Variants in POU6F2 observed in about 807,000 individuals in gnomAD.
POU6F2 encodes POU class 6 homeobox 2.
In POU6F2, 31 loss-of-function variants were observed where a neutral mutation model predicts 71.3. That is an observed-to-expected ratio of 0.43 (90% CI 0.33 to 0.59). POU6F2 has a LOEUF of 0.59. Among genes scored for constraint, POU6F2 ranks in the 20% least tolerant of loss-of-function variants. POU6F2 has a pLI of 0.04. For missense variants in POU6F2, 783 were observed against 856.8 expected (o/e 0.91, Z 1.07); for synonymous variants, 347 against 355.7 (o/e 0.98, Z 0.27).
intron 1 of POU6F2, among the ~76,000 whole-genome samples, chr7:39,063,768 G>A (rs1000998390): frequency 2.9e-5 from 4 of 140,242 alleles, no homozygotes; most frequent in South Asian, 5.0e-4. Context: ...TAAACATGAA[G>A]CAAGGAAAAA....
chr7:39,211,572 C>T (rs1046206751), intron 4 of POU6F2, among the ~76,000 whole-genome samples: 19 of 152,170 alleles, frequency 1.2e-4, no homozygotes, highest in African/African-American at 4.3e-4. Flanking sequence ...TTATCTTTCT[C>T]TCAGATCCTT....
chr7:39,054,321 A>G (rs1456461204), intron 1 of POU6F2, among the ~76,000 whole-genome samples: 2 of 152,044 alleles, frequency 1.3e-5, no homozygotes, highest in African/African-American at 4.8e-5. Flanking sequence ...TTTCTTATCA[A>G]CCCTGACCCT....
intron 5 of POU6F2, among the ~76,000 whole-genome samples, chr7:39,391,732 A>C (rs1787079931): frequency 6.6e-6 from 1 of 152,242 alleles, no homozygotes. Flanking sequence ...GTACACAGGC[A>C]AAACTGCTAT....
chr7:39,356,521 T>C (rs1423666523), intron 5 of POU6F2, among the ~76,000 whole-genome samples: 3 of 152,246 alleles, frequency 2.0e-5, no homozygotes, highest in Non-Finnish European at 4.4e-5. Flanking sequence ...TCATCTTTTT[T>C]ATGAACAATT....
At chr7:39,310,465 C>A (rs1035518932) in intron 4 of POU6F2, among the ~76,000 whole-genome samples, 9 of 152,188 alleles carry the variant, frequency 5.9e-5, no homozygotes, top group Non-Finnish European at 1.3e-4. Flanking sequence ...AAAAGACCCT[C>A]ATTTTCCCAA....
At chr7:39,275,925 G>C (rs1321299891) in intron 4 of POU6F2, among the ~76,000 whole-genome samples, 2 of 151,764 alleles carry the variant, frequency 1.3e-5, no homozygotes, top group Admixed American at 1.3e-4. Flanking sequence ...AGACTTAAAC[G>C]TTAGACCTAA....
At chr7:39,374,121 G>A (rs1183479689) in intron 5 of POU6F2, among the ~76,000 whole-genome samples, 3 of 152,068 alleles carry the variant, frequency 2.0e-5, no homozygotes, top group African/African-American at 4.8e-5. Context: ...GTGAAAAGTC[G>A]CATTAGATTT....
intron 4 of POU6F2, among the ~76,000 whole-genome samples, chr7:39,250,922 G>A (rs1266097351): frequency 1.3e-5 from 2 of 152,154 alleles, no homozygotes; most frequent in Non-Finnish European, 2.9e-5. Context: ...CTGCAAATGC[G>A]TTCATGTTTT....
intron 2 of POU6F2, among the ~76,000 whole-genome samples, chr7:39,118,133 C>T (rs545611451): frequency 1.3e-5 from 2 of 152,246 alleles, no homozygotes; most frequent in East Asian, 3.9e-4. Context: ...GAGAAATGAG[C>T]TGGTCCACTA....
intron 4 of POU6F2, among the ~76,000 whole-genome samples, chr7:39,239,088 A>G (rs1794729498): frequency 6.6e-6 from 1 of 152,154 alleles, no homozygotes; most frequent in African/African-American, 2.4e-5. Flanking sequence ...TTTGAGCTAT[A>G]TATTTAAAAT....
intron 4 of POU6F2, among the ~76,000 whole-genome samples, chr7:39,315,931 T>C (rs1293655533): frequency 1.3e-5 from 2 of 152,202 alleles, no homozygotes; most frequent in Non-Finnish European, 2.9e-5. Context: ...GTTTTTCTTT[T>C]TGATATACTT....
chr7:39,048,170 C>G (rs76172821), intron 1 of POU6F2, among the ~76,000 whole-genome samples: 2 of 151,668 alleles, frequency 1.3e-5, no homozygotes, highest in African/African-American at 2.4e-5. Flanking sequence ...AATTCCATTG[C>G]TTTATTGGTT....
intron 1 of POU6F2, among the ~76,000 whole-genome samples, chr7:39,003,211 A>T (rs1349157532): frequency 6.6e-6 from 1 of 152,218 alleles, no homozygotes; most frequent in Non-Finnish European, 1.5e-5. Context: ...CTAAAATGTT[A>T]ATCTCTTGTA....
chr7:39,273,698 G>A (rs1298205140), intron 4 of POU6F2, among the ~76,000 whole-genome samples: 4 of 151,720 alleles, frequency 2.6e-5, no homozygotes, highest in African/African-American at 9.7e-5. Flanking sequence ...TTTTTAAAGA[G>A]TATCATCGGG....
intron 2 of POU6F2, among the ~76,000 whole-genome samples, chr7:39,150,181 G>A (rs1171324854): frequency 6.6e-6 from 1 of 151,580 alleles, no homozygotes; most frequent in Admixed American, 6.6e-5. Context: ...GTAAGCCACC[G>A]GACCCAGCCG....
intron 5 of POU6F2, among the ~76,000 whole-genome samples, chr7:39,364,258 CTCT>C (rs1309048725): frequency 1.5e-5 from 2 of 129,094 alleles, no homozygotes; most frequent in Admixed American, 8.0e-5. Flanking sequence ...ATTCTCTATT[CTCT>C]TTTTTTTTTT....
At chr7:39,389,607 C>G (rs1266296460) in intron 5 of POU6F2, among the ~76,000 whole-genome samples, 1 of 152,040 alleles carries the variant, frequency 6.6e-6, no homozygotes, top group Non-Finnish European at 1.5e-5. Context: ...AAATAGAGGA[C>G]CAAATGTAAA....
chr7:39,323,877 G>A (rs1478291826), intron 4 of POU6F2, among the ~76,000 whole-genome samples: 1 of 152,046 alleles, frequency 6.6e-6, no homozygotes, highest in Non-Finnish European at 1.5e-5. Context: ...GGGAGGCTGA[G>A]GCAGGTGATC....
At chr7:39,132,069 C>T (rs1178148868) in intron 2 of POU6F2, among the ~76,000 whole-genome samples, 2 of 152,136 alleles carry the variant, frequency 1.3e-5, no homozygotes, top group East Asian at 3.8e-4. Flanking sequence ...ACTATAGTCA[C>T]CCTGTTATGC....
Sources: gnomAD v4.1 joint callset for allele counts (sites outside exome capture counted in the v4.1 genomes callset) on GRCh38, gnomAD v4.1.1 for gene constraint, MANE v1.5 for transcripts, NCBI Gene and HGNC (gene_info 2026-07-23, HGNC 2026-07-21) for gene names.